GNB4: variants seen among roughly 807,000 people sequenced by gnomAD.
GNB4 encodes the protein G protein subunit beta 4, also known as guanine nucleotide-binding protein subunit beta-4.
Under a neutral mutation model 45.2 loss-of-function variants are expected in GNB4, and 28 were observed. The ratio of observed to expected loss-of-function variants is 0.62; its 90% CI spans 0.46 to 0.85. The LOEUF (loss-of-function observed/expected upper bound fraction) is 0.85, where lower values mean the gene tolerates loss of function less well. GNB4 is among the 40% of genes least tolerant of loss of function. The pLI is 0.00. For missense variants in GNB4, 321 were observed against 425.4 expected (o/e 0.75, Z 2.16); for synonymous variants, 132 against 143.7 (o/e 0.92, Z 0.58).
chr3:179,494,289 A>G, the GNB4 span, among the ~76,000 whole-genome samples: 1 of 151,386 alleles, frequency 6.6e-6, no homozygotes, highest in African/African-American at 2.4e-5. Flanking sequence ...GAAAGAAAGA[A>G]AGAAAGAGAG....
At chr3:179,417,230 T>C (rs935221837) in intron 4 of GNB4, among the ~76,000 whole-genome samples, 3 of 152,126 alleles carry the variant, frequency 2.0e-5, no homozygotes, top group African/African-American at 7.2e-5. Flanking sequence ...CAATGACAGG[T>C]AGAAAAATAC....
the GNB4 span, chr3:179,464,210 A>G: frequency 1.8e-5 from 7 of 386,944 alleles, no homozygotes; most frequent in South Asian, 1.6e-4. Context: ...TATAATCCCA[A>G]CGTTTTAGGA....
At chr3:179,457,321 A>G in the GNB4 span, among the ~76,000 whole-genome samples, 2 of 152,258 alleles carry the variant, frequency 1.3e-5, no homozygotes, top group South Asian at 2.1e-4. Flanking sequence ...TGTTAATGAT[A>G]GCAAATTCAG....
chr3:179,519,419 A>G, the GNB4 span, among the ~76,000 whole-genome samples: 6 of 152,162 alleles, frequency 3.9e-5, no homozygotes, highest in East Asian at 5.8e-4. Context: ...GGGTAAGTCC[A>G]TCCCCTTTTT....
chr3:179,444,915 T>C (rs1188993794), intron 1 of GNB4, among the ~76,000 whole-genome samples: 3 of 152,152 alleles, frequency 2.0e-5, no homozygotes, highest in Admixed American at 6.5e-5. Flanking sequence ...ACTTACCAAG[T>C]AGTTAATGAC....
the GNB4 span, among the ~76,000 whole-genome samples, chr3:179,469,434 T>A: frequency 2.6e-5 from 4 of 152,136 alleles, no homozygotes; most frequent in African/African-American, 9.7e-5. Context: ...CTTTTTTAAT[T>A]GAACAAAAAT....
At chr3:179,424,131 T>A (rs1309356710) in intron 2 of GNB4, among the ~76,000 whole-genome samples, 1 of 152,386 alleles carries the variant, frequency 6.6e-6, no homozygotes, top group East Asian at 1.9e-4. Flanking sequence ...ATCCTGGATC[T>A]GTTACCTTGG....
At chr3:179,482,996 C>T in the GNB4 span, among the ~76,000 whole-genome samples, 9 of 152,098 alleles carry the variant, frequency 5.9e-5, no homozygotes, top group African/African-American at 1.4e-4. Flanking sequence ...TCCATTGCAC[C>T]AGTTGTCTGA....
At chr3:179,444,606 A>G (rs1715674143) in intron 1 of GNB4, among the ~76,000 whole-genome samples, 1 of 152,112 alleles carries the variant, frequency 6.6e-6, no homozygotes, top group South Asian at 2.1e-4. Flanking sequence ...CAGATACTTA[A>G]GAGGCTGAGA....
intron 5 of GNB4, among the ~76,000 whole-genome samples, chr3:179,416,120 G>A (rs1356441453): frequency 6.6e-6 from 1 of 152,046 alleles, no homozygotes; most frequent in African/African-American, 2.4e-5. Flanking sequence ...ATCAGTGCCT[G>A]GAGCGGGCCA....
chr3:179,465,030 C>A, the GNB4 span: 2 of 1,508,552 alleles, frequency 1.3e-6, no homozygotes, highest in Middle Eastern at 2.1e-4. Context: ...GCCACTGTTA[C>A]AATATCTTAT....
In GNB4 at chr3:179,414,893, C is replaced by A. The variant is rs1356386613; in HGVS notation, c.422G>T (p.Gly141Val). The change falls in exon 6 of 10, where the codon GGT (glycine) becomes GTT (valine). Residue 141 changes from glycine to valine, a missense_variant. Transcript: ENST00000232564. ...GNVRVSRELP[G>V]HTGYLSCCRF... ...TATTTAGGGAAGCTCACCTGTGTGA[C>A]CTGGCAACTCTCGGCTTACTCTCAC... is the stretch of plus-strand genomic sequence containing the variant. The A allele has an allele frequency of 6.3e-7, 1 of 1,583,014 alleles. No individual in the cohort carries two copies.
rs1715432591 is a variant in GNB4 at position 179,435,835 on chromosome 3, T to A, written c.-42-9593A>T. Among the ~76,000 whole-genome samples, 3 of 152,340 alleles carry A rather than the reference T, an allele frequency of 2.0e-5. No homozygotes were observed. In the South Asian group the frequency reaches 6.2e-4, roughly 32 times the overall value. ...ATATCAAAAGATACTAATGAGCCACTGTATCCAAGCCAATTTGTTAAATAA... is the reference window on the plus strand; with the variant it reads ...ATATCAAAAGATACTAATGAGCCACAGTATCCAAGCCAATTTGTTAAATAA... On this transcript the variant is annotated intron_variant, in intron 1 of 9. Coordinates refer to ENST00000232564, the MANE Select transcript of GNB4 (RefSeq NM_021629.4).
the GNB4 span, chr3:179,464,704 T>C: frequency 9.5e-7 from 1 of 1,054,008 alleles, no homozygotes; most frequent in Non-Finnish European, 1.5e-6. Flanking sequence ...ATCAGCAAAC[T>C]GAATAATTAT....
chr3:179,403,345 G>C (rs1330245962), intron 9 of GNB4, among the ~76,000 whole-genome samples: 2 of 151,034 alleles, frequency 1.3e-5, no homozygotes, highest in Non-Finnish European at 3.0e-5. Context: ...GCTTGAAGAA[G>C]AAACTTAAAA....
the GNB4 span, among the ~76,000 whole-genome samples, chr3:179,512,742 G>A: frequency 1.2e-4 from 18 of 152,184 alleles, no homozygotes; most frequent in Admixed American, 2.0e-4. Context: ...GCATTGTGAA[G>A]TGTAATGAGC....
chr3:179,519,283 C>A, the GNB4 span, among the ~76,000 whole-genome samples: 1 of 152,328 alleles, frequency 6.6e-6, no homozygotes, highest in South Asian at 2.1e-4. Context: ...AAAACTCTGG[C>A]CCAAAGCTCT....
chr3:179,482,929 C>T, the GNB4 span, among the ~76,000 whole-genome samples: 10 of 152,132 alleles, frequency 6.6e-5, no homozygotes, highest in Non-Finnish European at 1.0e-4. Flanking sequence ...CAATTTCTCT[C>T]CTTCATCATG....
At chr3:179,496,821 C>A in the GNB4 span, among the ~76,000 whole-genome samples, 1 of 151,970 alleles carries the variant, frequency 6.6e-6, no homozygotes, top group Non-Finnish European at 1.5e-5. Context: ...CACTCAACAT[C>A]AGAATGCCTC....
Sources: gnomAD v4.1 joint callset for allele counts (sites outside exome capture counted in the v4.1 genomes callset) on GRCh38, gnomAD v4.1.1 for gene constraint, MANE v1.5 for transcripts, NCBI Gene and HGNC (gene_info 2026-07-23, HGNC 2026-07-21) for gene names.